GREB1L: variants seen among roughly 807,000 people sequenced by gnomAD.
GREB1L encodes the protein GREB1 like retinoic acid receptor coactivator.
GREB1L carries 17 observed loss-of-function variants against 200.8 expected under a neutral mutation model. That is an observed-to-expected ratio of 0.08 (90% confidence interval 0.06 to 0.13). The LOEUF (loss-of-function observed/expected upper bound fraction) is 0.13, where lower values mean the gene tolerates loss of function less well. Ranked by LOEUF, GREB1L falls within the 10% of genes least tolerant of loss-of-function variation. GREB1L has a pLI of 1.00. For missense variants in GREB1L, 1,657 were observed against 2,367.7 expected (o/e 0.70, Z 6.23); for synonymous variants, 789 against 893.0 (o/e 0.88, Z 2.08).
At chr18:21,254,394 G>T (rs1360055278) in intron 1 of GREB1L, among the ~76,000 whole-genome samples, 1 of 151,898 alleles carries the variant, frequency 6.6e-6, no homozygotes, top group Non-Finnish European at 1.5e-5. Context: ...AAGCTGGTCT[G>T]CATGACTCTA....
intron 1 of GREB1L, among the ~76,000 whole-genome samples, chr18:21,282,814 G>T (rs2038292192): frequency 6.6e-6 from 1 of 152,222 alleles, no homozygotes; most frequent in Non-Finnish European, 1.5e-5. Flanking sequence ...TGGCCAGGCT[G>T]GTCTCGAACC....
At chr18:21,347,933 ATTTTTTT>A (rs1171946736) in intron 1 of GREB1L, among the ~76,000 whole-genome samples, 6 of 77,360 alleles carry the variant, frequency 7.8e-5, no homozygotes, top group South Asian at 3.6e-4. Context: ...CACTCGGCTA[ATTTTTTT>A]TTTTTTTTTT....
chr18:21,397,581 G>A, intron 5 of GREB1L, among the ~76,000 whole-genome samples: 1 of 151,464 alleles, frequency 6.6e-6, no homozygotes, highest in African/African-American at 2.4e-5. Context: ...GGCGCTTGTA[G>A]TCCCAGCTAC....
intron 1 of GREB1L, among the ~76,000 whole-genome samples, chr18:21,280,644 A>T (rs553326775): frequency 6.6e-6 from 1 of 152,148 alleles, no homozygotes; most frequent in Non-Finnish European, 1.5e-5. Flanking sequence ...TATTAATGAA[A>T]TAAGTGTTTA....
intron 7 of GREB1L, among the ~76,000 whole-genome samples, chr18:21,426,071 T>C (rs1427913077): frequency 6.6e-6 from 1 of 151,798 alleles, no homozygotes; most frequent in Non-Finnish European, 1.5e-5. Flanking sequence ...TTTTTTTTTT[T>C]TTTGAGATGA....
intron 1 of GREB1L, among the ~76,000 whole-genome samples, chr18:21,279,884 T>G (rs2038239045): frequency 6.6e-6 from 1 of 152,190 alleles, no homozygotes; most frequent in Non-Finnish European, 1.5e-5. Context: ...GTAGACTATT[T>G]TAGAGCAGTG....
At chr18:21,431,919 C>CTTTTTTTT (rs773523492) in intron 7 of GREB1L, among the ~76,000 whole-genome samples, 11 of 91,260 alleles carry the variant, frequency 1.2e-4, no homozygotes, top group East Asian at 3.6e-4. Flanking sequence ...CTTTTCTTTT[C>CTTTTTTTT]TTTTTTTTTT....
chr18:21,415,351 C>T (rs1210310406), intron 7 of GREB1L, among the ~76,000 whole-genome samples: 1 of 152,060 alleles, frequency 6.6e-6, no homozygotes, highest in Non-Finnish European at 1.5e-5. Context: ...CATGCCTCTA[C>T]AAAACAATAA....
intron 7 of GREB1L, among the ~76,000 whole-genome samples, chr18:21,408,463 A>C (rs919094305): frequency 6.6e-6 from 1 of 152,190 alleles, no homozygotes; most frequent in African/African-American, 2.4e-5. Flanking sequence ...GCACATGAAA[A>C]GATGCTCAAT....
At chr18:21,455,956 T>C (rs1294272752) in intron 15 of GREB1L, among the ~76,000 whole-genome samples, 2 of 138,626 alleles carry the variant, frequency 1.4e-5, no homozygotes, top group African/African-American at 2.7e-5. Flanking sequence ...CAGGCAGGAG[T>C]GCAGTGGTAC....
At chr18:21,388,088 CT>C (rs2040617983) in intron 4 of GREB1L, among the ~76,000 whole-genome samples, 1 of 152,136 alleles carries the variant, frequency 6.6e-6, no homozygotes, top group Non-Finnish European at 1.5e-5. Flanking sequence ...AATTCATAAA[CT>C]TTTGCTTGAC....
chr18:21,421,651 A>G (rs749009604), intron 7 of GREB1L, among the ~76,000 whole-genome samples: 1 of 152,242 alleles, frequency 6.6e-6, no homozygotes, highest in African/African-American at 2.4e-5. Context: ...CTGAATATCT[A>G]CTGTGTTCTA....
At position 21,462,503 on chromosome 18, in the gene GREB1L, G is replaced by A. The variant is rs560357419; in HGVS notation, c.2182+7940G>A. ...CTTGCTCTGTCACCCAGGCTGGAGT[G>A]CAGTGGCACGATCTTGGCTCACTGT... On this transcript the variant is annotated intron_variant, in intron 15 of 32. Transcript: ENST00000424526. Among the ~76,000 whole-genome samples, 3 of 152,234 alleles carry A rather than the reference G, an allele frequency of 2.0e-5. No individual in the cohort carries two copies. The South Asian group carries it at 6.2e-4, about 32-fold the overall frequency.
intron 18 of GREB1L, among the ~76,000 whole-genome samples, chr18:21,488,695 C>T (rs1351231643): frequency 6.6e-6 from 1 of 152,176 alleles, no homozygotes; most frequent in Non-Finnish European, 1.5e-5. Flanking sequence ...CTCACTCCGT[C>T]GCCCAGGCTG....
chr18:21,286,140 ACT>A (rs1567922179), intron 1 of GREB1L, among the ~76,000 whole-genome samples: 4 of 152,220 alleles, frequency 2.6e-5, no homozygotes, highest in Non-Finnish European at 5.9e-5. Context: ...GCATAAAGTA[ACT>A]CTGTCAAATT....
Position 21,278,384 on chromosome 18 carries a change from A to AT in GREB1L, c.-120+35991_-120+35992insT, listed in dbSNP as rs1567919240. ...AACAAGAGCAAGACTCCATCTCAAA[A>AT]AAAAAAAATAAATAAATAAATAAAT... On this transcript the variant is annotated intron_variant, in intron 1 of 32. Transcript: ENST00000424526. 3.1e-4 allele frequency among the ~76,000 whole-genome samples: 40 copies of AT among 127,098 alleles called. 1 individual carries two copies. Among genetic ancestry groups the AT allele is most frequent in the African/African-American group, 1.3e-3 (37 of 28,684 alleles). The allele number at this position is 127,098 out of a possible 152,430, so 83.4% of individuals were successfully genotyped here. A position where few individuals can be genotyped will look rare whatever the true frequency, so the allele number is the denominator to read the frequency against.
At chr18:21,442,260 C>G (rs1390370940) in intron 10 of GREB1L, among the ~76,000 whole-genome samples, 2 of 152,208 alleles carry the variant, frequency 1.3e-5, no homozygotes, top group African/African-American at 4.8e-5. Context: ...ACTGCTTGCT[C>G]TACCTTAAGG....
Position 21,485,635 on chromosome 18 carries a change from G to A in GREB1L, c.2572G>A (p.Glu858Lys), listed in dbSNP as rs1474370341. ...TTTGAACCAGGAGGACGTGGGCTGC[G>A]AGGAGAAGCTGTACTTTGGCTTGAG... Reference protein sequence around the residue: ...QLDTGEDVGCEEKLYFGLSEY... With the variant: ...QLDTGEDVGCKEKLYFGLSEY... Residue 858 changes from glutamate to lysine, a missense_variant, in exon 18 of 33, where the codon GAG becomes AAG. Coordinates refer to ENST00000424526, the MANE Select transcript of GREB1L (RefSeq NM_001142966.3). The A allele has an allele frequency of 9.0e-6, 14 of 1,551,234 alleles. No homozygotes were observed. The highest frequency in any genetic ancestry group is 5.9e-5 in the Admixed American group (3 of 50,970).
rs1431860097 is a variant in GREB1L at position 21,459,373 on chromosome 18, C to T, written c.2182+4810C>T. On this transcript the variant is annotated intron_variant, in intron 15 of 32. Transcript: ENST00000424526. Reference sequence around the variant, plus strand: ...CAATCTCGGCTCACTGCAACCTCCGCCCTTCAGGTTCAAGTGATTCTCCTG... The same window carrying T: ...CAATCTCGGCTCACTGCAACCTCCGTCCTTCAGGTTCAAGTGATTCTCCTG... 2.7e-5 allele frequency among the ~76,000 whole-genome samples: 4 copies of T among 150,170 alleles called. No homozygotes were observed. In the East Asian group the frequency reaches 5.9e-4, roughly 22 times the overall value.
Sources: gnomAD v4.1 joint callset for allele counts (sites outside exome capture counted in the v4.1 genomes callset) on GRCh38, gnomAD v4.1.1 for gene constraint, MANE v1.5 for transcripts, NCBI Gene and HGNC (gene_info 2026-07-23, HGNC 2026-07-21) for gene names.